Variants in MYO3B observed in about 807,000 individuals in gnomAD.
MYO3B encodes the protein myosin IIIB.
MYO3B carries 156 observed loss-of-function variants against 174.6 expected under a neutral mutation model. The observed-to-expected ratio is 0.89, with a 90% CI of 0.78 to 1.02. The LOEUF is 1.02. Among genes scored for constraint, MYO3B ranks in the 50% least tolerant of loss-of-function variants. The pLI, the probability that MYO3B is intolerant of heterozygous loss-of-function variation, is 0.00. For synonymous variants in MYO3B, 563 were observed against 569.1 expected, an observed-to-expected ratio of 0.99 and a Z score of 0.15; for missense variants, 1,632 against 1,639.4, an observed-to-expected ratio of 1.00 and a Z score of 0.08.
At chr2:170,234,699 C>G (rs2093052377) in intron 6 of MYO3B, among the ~76,000 whole-genome samples, 1 of 152,202 alleles carries the variant, frequency 6.6e-6, no homozygotes, top group African/African-American at 2.4e-5. Flanking sequence ...CCTGCCCCTC[C>G]TACTGTCTTC....
chr2:170,466,906 A>C (rs2164963), intron 25 of MYO3B, among the ~76,000 whole-genome samples, 195 bp downstream of exon 25: 39,816 of 152,144 alleles, frequency 0.26, 6,188 homozygotes, highest in Non-Finnish European at 0.33. Context: ...CAGCCAGATT[A>C]AGCTTCCTTC....
intron 32 of MYO3B, among the ~76,000 whole-genome samples, chr2:170,595,961 A>G (rs1694122369): frequency 6.6e-6 from 1 of 152,162 alleles, no homozygotes; most frequent in African/African-American, 2.4e-5. Context: ...CAGTCAAAAT[A>G]CCTGAATCCA....
chr2:170,390,230 A>G (rs942919235), intron 14 of MYO3B, among the ~76,000 whole-genome samples: 6 of 152,188 alleles, frequency 3.9e-5, no homozygotes, highest in African/African-American at 1.4e-4. Flanking sequence ...CTTGTTTGAG[A>G]CCAGCCTGTG....
intron 6 of MYO3B, among the ~76,000 whole-genome samples, chr2:170,225,559 T>C (rs2092943340): frequency 6.6e-6 from 1 of 152,204 alleles, no homozygotes; most frequent in Non-Finnish European, 1.5e-5. Flanking sequence ...TAAAGTTCTT[T>C]AGAATTGAAT....
intron 25 of MYO3B, among the ~76,000 whole-genome samples, chr2:170,467,842 A>G (rs796786946): frequency 4.7e-5 from 7 of 149,134 alleles, no homozygotes; most frequent in African/African-American, 1.7e-4. Flanking sequence ...GTTCCTTGCA[A>G]TGAGAGCTTT....
intron 25 of MYO3B, among the ~76,000 whole-genome samples, chr2:170,478,935 A>G (rs1156279870): frequency 2.0e-5 from 3 of 148,912 alleles, no homozygotes; most frequent in African/African-American, 7.7e-5. Context: ...CTAAACCTAT[A>G]TATATATAAT....
chr2:170,248,439 C>T (rs1427838882), intron 7 of MYO3B, among the ~76,000 whole-genome samples: 2 of 152,188 alleles, frequency 1.3e-5, no homozygotes, highest in Non-Finnish European at 2.9e-5. Context: ...AATTACCATA[C>T]ATTTAGTAGT....
chr2:170,382,307 G>A, intron 10 of MYO3B, 195 bp downstream of exon 10: 1 of 435,590 alleles, frequency 2.3e-6, no homozygotes, highest in Non-Finnish European at 4.2e-6. Flanking sequence ...ATAGCCCCTA[G>A]AATGATGAAG....
intron 30 of MYO3B, among the ~76,000 whole-genome samples, chr2:170,528,450 G>A (rs1689135832): frequency 6.6e-6 from 1 of 152,198 alleles, no homozygotes; most frequent in South Asian, 2.1e-4. Flanking sequence ...TCTATCGCCA[G>A]ACCGGAGTGC....
intron 7 of MYO3B, among the ~76,000 whole-genome samples, chr2:170,255,576 C>T (rs111315608): frequency 6.6e-6 from 1 of 152,170 alleles, no homozygotes; most frequent in Non-Finnish European, 1.5e-5. Flanking sequence ...TCTGAAAGCA[C>T]CAGAAACGAA....
chr2:170,421,548 G>A (rs1208770113), intron 22 of MYO3B, among the ~76,000 whole-genome samples: 1 of 152,300 alleles, frequency 6.6e-6, no homozygotes, highest in East Asian at 1.9e-4. Flanking sequence ...ACCCTGACTG[G>A]ACCGCATGTG....
chr2:170,565,806 G>A (rs1206736226), intron 32 of MYO3B, among the ~76,000 whole-genome samples: 5 of 152,198 alleles, frequency 3.3e-5, no homozygotes, highest in Non-Finnish European at 7.3e-5. Context: ...TTACTCTTGT[G>A]ATTTATGTAA....
At chr2:170,416,522 CAAA>C (rs1209503137) in intron 22 of MYO3B, among the ~76,000 whole-genome samples, 5 of 60,144 alleles carry the variant, frequency 8.3e-5, no homozygotes, top group Admixed American at 1.7e-4. Context: ...GACTCCGTCT[CAAA>C]AAAAAAAAAA....
chr2:170,500,145 G>A (rs2106079294), intron 27 of MYO3B, among the ~76,000 whole-genome samples: 1 of 152,280 alleles, frequency 6.6e-6, no homozygotes, highest in Admixed American at 6.5e-5. Flanking sequence ...AACTGAGAAA[G>A]ACAGGTTAAC....
chr2:170,462,311 T>C (rs1001706688), intron 23 of MYO3B, among the ~76,000 whole-genome samples: 1 of 152,214 alleles, frequency 6.6e-6, no homozygotes, highest in Non-Finnish European at 1.5e-5. Flanking sequence ...TAGGTTGTTT[T>C]TCTAGGTTTT....
At chr2:170,638,030 T>C (rs1697656875) in intron 32 of MYO3B, among the ~76,000 whole-genome samples, 1 of 152,012 alleles carries the variant, frequency 6.6e-6, no homozygotes, top group South Asian at 2.1e-4. Context: ...AAAATTATAT[T>C]TGTGATTTTA....
At chr2:170,399,014 G>C (rs758098179) in intron 16 of MYO3B, among the ~76,000 whole-genome samples, 2 of 152,094 alleles carry the variant, frequency 1.3e-5, no homozygotes, top group African/African-American at 2.4e-5. Flanking sequence ...GGGAGGCTGA[G>C]GTGGGCAGAT....
In MYO3B at chr2:170,401,796, C is replaced by CTTTTTTTTTTTTTTTTTTTTTT. The variant is rs1268110549; in HGVS notation, c.2129+110_2129+111insTTTTTTTTTTTTTTTTTTTTTT. The CTTTTTTTTTTTTTTTTTTTTTT allele has an allele frequency of 2.8e-5, 22 of 791,928 alleles. 1 individual carries two copies. The African/African-American group carries it at 4.1e-4, about 15-fold the overall frequency. 49.1% of individuals were successfully genotyped at this position (791,928 alleles called of 1,614,324 possible). A position where few individuals can be genotyped will look rare whatever the true frequency, so the allele number is the denominator to read the frequency against. On this transcript the variant is annotated intron_variant, in intron 18 of 34. Transcript: ENST00000408978. ...TTTGGTCCTCTCTGGGATTTTCTTTCTTTTTCTTTTTTTTTTTTTTTGTGG... is the reference window on the plus strand; with the variant it reads ...TTTGGTCCTCTCTGGGATTTTCTTTCTTTTTTTTTTTTTTTTTTTTTTTTTTTCTTTTTTTTTTTTTTTGTGG...
intron 7 of MYO3B, among the ~76,000 whole-genome samples, chr2:170,312,853 T>G (rs2093749056): frequency 6.6e-6 from 1 of 152,232 alleles, no homozygotes; most frequent in Non-Finnish European, 1.5e-5. Flanking sequence ...TGGTTACACT[T>G]AAAGCTGATG....
Sources: gnomAD v4.1 joint callset for allele counts (sites outside exome capture counted in the v4.1 genomes callset) on GRCh38, gnomAD v4.1.1 for gene constraint, MANE v1.5 for transcripts, NCBI Gene and HGNC (gene_info 2026-07-23, HGNC 2026-07-21) for gene names.